Variants in NLGN1 observed in about 807,000 individuals in gnomAD.
The protein encoded by NLGN1 is neuroligin 1.
Under a neutral mutation model 65.5 loss-of-function variants are expected in NLGN1, and 12 were observed. The ratio of observed to expected loss-of-function variants is 0.18; its 90% CI spans 0.12 to 0.30. NLGN1 has a LOEUF of 0.30. NLGN1 is among the 10% of genes least tolerant of loss of function. The pLI is 1.00. For synonymous variants in NLGN1, 350 were observed against 359.5 expected (o/e 0.97, Z 0.30); for missense variants, 750 against 1,007.1 (o/e 0.74, Z 3.46).
chr3:173,598,075 C>T (rs1291732659), intron 2 of NLGN1, among the ~76,000 whole-genome samples: 3 of 152,064 alleles, frequency 2.0e-5, no homozygotes, highest in African/African-American at 7.2e-5. Flanking sequence ...TTCTAGTACT[C>T]CCTTTCGTTG....
intron 4 of NLGN1, among the ~76,000 whole-genome samples, chr3:173,878,326 C>T (rs1042004381): frequency 6.6e-6 from 1 of 152,106 alleles, no homozygotes; most frequent in Non-Finnish European, 1.5e-5. Flanking sequence ...AGGCGTGAGC[C>T]ACTGCGCCAA....
chr3:173,917,495 T>A (rs1740977623), intron 4 of NLGN1, among the ~76,000 whole-genome samples: 1 of 152,202 alleles, frequency 6.6e-6, no homozygotes, highest in Admixed American at 6.5e-5. Flanking sequence ...ATACAGATAC[T>A]GATACTTTTC....
chr3:173,933,038 A>G (rs1264785157), intron 4 of NLGN1, among the ~76,000 whole-genome samples: 1 of 152,194 alleles, frequency 6.6e-6, no homozygotes, highest in Non-Finnish European at 1.5e-5. Context: ...AAGAAGTCCT[A>G]AACAAGCAAA....
intron 3 of NLGN1, among the ~76,000 whole-genome samples, chr3:173,732,966 G>T (rs536506619): frequency 3.3e-5 from 5 of 152,144 alleles, no homozygotes; most frequent in Admixed American, 2.0e-4. Context: ...ATGAACCACA[G>T]AAATATATAC....
At chr3:174,289,959 A>ATATATATATG (rs1752565224), downstream of NLGN1, among the ~76,000 whole-genome samples, 1 of 130,150 alleles carries the variant, frequency 7.7e-6, no homozygotes, top group Non-Finnish European at 1.6e-5. Flanking sequence ...ATATGTGTAT[A>ATATATATATG]TATATATATG....
intron 2 of NLGN1, among the ~76,000 whole-genome samples, chr3:173,589,601 C>T (rs1748101356): frequency 6.6e-6 from 1 of 152,086 alleles, no homozygotes; most frequent in Admixed American, 6.5e-5. Context: ...ATGTGATTTT[C>T]TTATATTTTG....
rs146890061 is a variant in NLGN1, at chr3:173,930,676, T to C, written c.646+122844T>C. ...TTAAGAAAATGAAGTGTTAATTCAATTGTCATATTCATCCTGGTGCTTCGG... is the reference window on the plus strand; with the variant it reads ...TTAAGAAAATGAAGTGTTAATTCAACTGTCATATTCATCCTGGTGCTTCGG... On this transcript the variant is annotated intron_variant, in intron 4 of 6. Transcript: ENST00000457714. Among the ~76,000 whole-genome samples the C allele has an allele frequency of 8.9e-3, 1,353 of 152,294 alleles. 17 individuals carry two copies. The highest frequency in any genetic ancestry group is 0.031 in the African/African-American group (1,283 of 41,574).
At chr3:174,067,557 C>T (rs901541250) in intron 4 of NLGN1, among the ~76,000 whole-genome samples, 2 of 152,070 alleles carry the variant, frequency 1.3e-5, no homozygotes, top group African/African-American at 4.8e-5. Context: ...CTGCTGTCAA[C>T]GTAGGCAGAT....
chr3:174,116,914 C>T (rs1179695774), intron 4 of NLGN1, among the ~76,000 whole-genome samples: 3 of 151,726 alleles, frequency 2.0e-5, no homozygotes, highest in South Asian at 2.1e-4. Context: ...ATTTCTATTC[C>T]GTGAATGGAA....
chr3:173,526,133 A>G (rs1735603317), intron 2 of NLGN1, among the ~76,000 whole-genome samples: 2 of 152,086 alleles, frequency 1.3e-5, no homozygotes, highest in Non-Finnish European at 2.9e-5. Context: ...TTTAGTATCT[A>G]TGGGTCTGTG....
At chr3:174,154,609 C>A (rs1259479403) in intron 4 of NLGN1, among the ~76,000 whole-genome samples, 1 of 151,840 alleles carries the variant, frequency 6.6e-6, no homozygotes, top group Non-Finnish European at 1.5e-5. Flanking sequence ...GTCTCCAGGG[C>A]AGTCATGACT....
At chr3:173,410,746 A>G (rs1009357942) in intron 1 of NLGN1, among the ~76,000 whole-genome samples, 15 of 152,352 alleles carry the variant, frequency 9.8e-5, no homozygotes, top group African/African-American at 2.9e-4. Flanking sequence ...ATTACAAAGC[A>G]ACTTTAATTA....
intron 4 of NLGN1, among the ~76,000 whole-genome samples, chr3:174,048,250 T>C (rs775661020): frequency 5.9e-5 from 9 of 152,114 alleles, no homozygotes; most frequent in Non-Finnish European, 1.3e-4. Context: ...GATCTGGAGA[T>C]AGTCGTGATG....
chr3:173,414,785 A>G (rs1243757942), intron 1 of NLGN1, among the ~76,000 whole-genome samples: 1 of 152,210 alleles, frequency 6.6e-6, no homozygotes, highest in Non-Finnish European at 1.5e-5. Context: ...TTGGAGGAGC[A>G]GGACCACGAA....
intron 4 of NLGN1, among the ~76,000 whole-genome samples, chr3:174,170,159 G>A (rs534064699): frequency 6.6e-6 from 1 of 151,534 alleles, no homozygotes; most frequent in Admixed American, 6.6e-5. Flanking sequence ...TGATCTTTAT[G>A]TACTATCTTG....
intron 5 of NLGN1, among the ~76,000 whole-genome samples, chr3:174,276,908 G>A (rs1313487061): frequency 2.0e-5 from 3 of 151,602 alleles, no homozygotes; most frequent in Non-Finnish European, 2.9e-5. Context: ...GCAACACTAA[G>A]CCACCTCTAT....
At chr3:173,544,205 A>G (rs1201958995) in intron 2 of NLGN1, among the ~76,000 whole-genome samples, 4 of 151,990 alleles carry the variant, frequency 2.6e-5, no homozygotes, top group Non-Finnish European at 5.9e-5. Context: ...AAGAAAAAGA[A>G]AAAAAAGGAA....
At chr3:173,830,996 G>A (rs1016352830) in intron 4 of NLGN1, among the ~76,000 whole-genome samples, 7 of 152,110 alleles carry the variant, frequency 4.6e-5, no homozygotes, top group African/African-American at 1.7e-4. Flanking sequence ...TAGGGAGATC[G>A]CTTCAGATTT....
At chr3:173,579,577 A>G (rs954167887) in intron 2 of NLGN1, among the ~76,000 whole-genome samples, 1 of 152,364 alleles carries the variant, frequency 6.6e-6, no homozygotes, top group South Asian at 2.1e-4. Context: ...TACATCTGGT[A>G]TATTTAGCAT....
Sources: allele counts gnomAD v4.1 joint callset (sites outside exome capture counted in the v4.1 genomes callset), GRCh38; gene constraint gnomAD v4.1.1; transcripts MANE v1.5; gene names NCBI Gene and HGNC (gene_info 2026-07-23, HGNC 2026-07-21).